The following LRRTM4 variants were observed in gnomAD, a reference collection of about 807,000 sequenced individuals.
LRRTM4 encodes the protein leucine-rich repeat transmembrane neuronal protein 4.
A neutral mutation model predicts 47.6 loss-of-function variants in LRRTM4; 25 were observed. The observed-to-expected ratio is 0.53, with a 90% CI of 0.38 to 0.73. The LOEUF is 0.73. Ranked by LOEUF, LRRTM4 falls within the 30% of genes least tolerant of loss-of-function variation. The pLI is 0.00. For synonymous variants in LRRTM4, 311 were observed against 269.5 expected (o/e 1.15, Z -1.51); for missense variants, 638 against 713.4 (o/e 0.89, Z 1.20).
At chr2:77,005,605 T>G (rs919719092) in intron 3 of LRRTM4, among the ~76,000 whole-genome samples, 5 of 152,134 alleles carry the variant, frequency 3.3e-5, no homozygotes, top group Admixed American at 6.6e-5. Flanking sequence ...GGGAGCAGAT[T>G]TTTCTTGTGC....
chr2:76,952,709 T>C (rs973857179), intron 3 of LRRTM4, among the ~76,000 whole-genome samples: 8 of 151,650 alleles, frequency 5.3e-5, no homozygotes, highest in Non-Finnish European at 1.5e-5. Flanking sequence ...CAAAAGAAAA[T>C]AGATCATTCA....
At chr2:77,222,380 G>C (rs1435137122) in intron 3 of LRRTM4, among the ~76,000 whole-genome samples, 1 of 152,122 alleles carries the variant, frequency 6.6e-6, no homozygotes, top group Admixed American at 6.5e-5. Flanking sequence ...AGGAAATAGA[G>C]ACACAAAAAA....
At chr2:76,917,633 A>G (rs576064731) in intron 3 of LRRTM4, among the ~76,000 whole-genome samples, 2 of 152,316 alleles carry the variant, frequency 1.3e-5, no homozygotes, top group Admixed American at 1.3e-4. Context: ...CTCTTCCCAT[A>G]CTGCACACAT....
chr2:76,897,209 G>C (rs375453343), intron 3 of LRRTM4, among the ~76,000 whole-genome samples: 2 of 152,182 alleles, frequency 1.3e-5, no homozygotes, highest in African/African-American at 4.8e-5. Context: ...AGTAGGCAGC[G>C]TCAATAATGC....
chr2:76,826,801 A>G (rs541931883), intron 3 of LRRTM4, among the ~76,000 whole-genome samples: 1 of 151,962 alleles, frequency 6.6e-6, no homozygotes, highest in South Asian at 2.1e-4. Context: ...CTCTCAAAAT[A>G]TCTTCATCTC....
intron 3 of LRRTM4, among the ~76,000 whole-genome samples, chr2:77,441,230 T>C (rs1214651301): frequency 1.3e-5 from 2 of 152,224 alleles, no homozygotes; most frequent in African/African-American, 4.8e-5. Flanking sequence ...GAATGCTCAG[T>C]AGAGCAAAGA....
At chr2:76,885,400 C>T (rs898822608) in intron 3 of LRRTM4, among the ~76,000 whole-genome samples, 2 of 151,460 alleles carry the variant, frequency 1.3e-5, no homozygotes, top group African/African-American at 4.9e-5. Context: ...TGATCAACAA[C>T]CAAAATATAT....
intron 3 of LRRTM4, among the ~76,000 whole-genome samples, chr2:77,281,156 G>A (rs1379623863): frequency 6.6e-6 from 1 of 151,906 alleles, no homozygotes; most frequent in African/African-American, 2.4e-5. Flanking sequence ...ATTTGGCTAA[G>A]ATTTCCGAGT....
At chr2:76,994,635 ATAAGAAATAT>A (rs1404962608) in intron 3 of LRRTM4, among the ~76,000 whole-genome samples, 1 of 151,994 alleles carries the variant, frequency 6.6e-6, no homozygotes, top group Non-Finnish European at 1.5e-5. Context: ...TAGTCTAACT[ATAAGAAATAT>A]TATGAAATAT....
intron 3 of LRRTM4, among the ~76,000 whole-genome samples, chr2:77,254,049 C>A (rs925457262): frequency 3.9e-5 from 6 of 152,006 alleles, no homozygotes; most frequent in African/African-American, 7.2e-5. Context: ...TATATACACA[C>A]ACATACATCA....
chr2:77,382,946 A>T (rs894957796), intron 3 of LRRTM4, among the ~76,000 whole-genome samples: 1 of 152,084 alleles, frequency 6.6e-6, no homozygotes, highest in Non-Finnish European at 1.5e-5. Flanking sequence ...GAAATAATCT[A>T]GTCTGTTGCT....
In LRRTM4 at chr2:77,175,173, G is replaced by A. The variant is rs1010759562; in HGVS notation, c.1551+343145C>T. ...CAACCTCCACCTCCTGGGTTCAAGC[G>A]ATTCTCATGCCTCAGCCTCCAGAAT... is the stretch of plus-strand genomic sequence containing the variant. On this transcript the variant is annotated intron_variant, in intron 3 of 3. Coordinates refer to ENST00000409884, the MANE Select transcript of LRRTM4 (RefSeq NM_001134745.3). Among the ~76,000 whole-genome samples, 5 of 150,376 alleles carry A rather than the reference G, an allele frequency of 3.3e-5. No individual in the cohort carries two copies. In the East Asian group the frequency reaches 5.9e-4, roughly 18 times the overall value.
chr2:76,937,521 C>T (rs542691340), intron 3 of LRRTM4, among the ~76,000 whole-genome samples: 11 of 152,256 alleles, frequency 7.2e-5, no homozygotes, highest in Non-Finnish European at 1.5e-4. Flanking sequence ...TTAATGTAGG[C>T]ATTAGGCAAG....
chr2:77,519,074 G>T lies in LRRTM4; in HGVS notation c.795C>A (p.Ile265=). ...TAAATGTGCCCGGCTCAATTCCTTG[G>T]ATGTCATTCCCTGATAAATCCAAGT... ...LHNLDLSGND[I]QGIEPGTFKC... The change falls in exon 3 of 4, where the codon ATC becomes ATA. Residue 265 remains isoleucine, a synonymous_variant. Coordinates refer to ENST00000409884, the MANE Select transcript of LRRTM4 (RefSeq NM_001134745.3). The surrounding 1 kb of genome is among the most constrained non-coding windows in gnomAD (Gnocchi z 4.6). The T allele has an allele frequency of 6.2e-7, 1 of 1,612,768 alleles. No individual in the cohort carries two copies. Among genetic ancestry groups the T allele is most frequent in the Middle Eastern group, 1.7e-4 (1 of 6,054 alleles).
At chr2:77,229,621 T>C (rs1248790090) in intron 3 of LRRTM4, among the ~76,000 whole-genome samples, 1 of 152,122 alleles carries the variant, frequency 6.6e-6, no homozygotes, top group African/African-American at 2.4e-5. Context: ...TGTTGACAAC[T>C]CTTCTGAAAT....
chr2:77,039,840 G>C (rs1265184266), intron 3 of LRRTM4, among the ~76,000 whole-genome samples: 1 of 150,924 alleles, frequency 6.6e-6, no homozygotes, highest in African/African-American at 2.4e-5. Flanking sequence ...ACTCACAAGG[G>C]AGATTATCTT....
chr2:77,385,167 TG>T (rs1411099472), intron 3 of LRRTM4, among the ~76,000 whole-genome samples: 4 of 152,144 alleles, frequency 2.6e-5, no homozygotes, highest in African/African-American at 9.6e-5. Flanking sequence ...AACTTGCCCC[TG>T]AGAAACAAAT....
At chr2:77,438,278 T>C (rs1675684349) in intron 3 of LRRTM4, among the ~76,000 whole-genome samples, 1 of 152,106 alleles carries the variant, frequency 6.6e-6, no homozygotes, top group Non-Finnish European at 1.5e-5. Flanking sequence ...AACATGGATT[T>C]AAAACTGTTT....
At chr2:76,856,499 CT>C in intron 3 of LRRTM4, among the ~76,000 whole-genome samples, 1 of 152,022 alleles carries the variant, frequency 6.6e-6, no homozygotes, top group South Asian at 2.1e-4. Context: ...ATACATAGAC[CT>C]TAATCTCAGA....
Sources: gnomAD v4.1 joint callset for allele counts (sites outside exome capture counted in the v4.1 genomes callset) on GRCh38, gnomAD v4.1.1 for gene constraint, Gnocchi (gnomAD v3.1) non-coding constraint, MANE v1.5 for transcripts, NCBI Gene and HGNC (gene_info 2026-07-23, HGNC 2026-07-21) for gene names.